Variants in CADPS2 observed in about 807,000 individuals in gnomAD.
The protein encoded by CADPS2 is calcium-dependent secretion activator 2.
In CADPS2, 93 loss-of-function variants were observed where a neutral mutation model predicts 172.5. The observed-to-expected ratio is 0.54, with a 90% CI of 0.46 to 0.64. CADPS2 has a LOEUF of 0.64. Ranked by LOEUF, CADPS2 falls within the 30% of genes least tolerant of loss-of-function variation. The probability of loss-of-function intolerance (pLI) is 0.00; values close to 1 mark genes in which losing one functional copy is unlikely to be tolerated. For missense variants in CADPS2, 1,420 were observed against 1,565.9 expected (o/e 0.91, Z 1.57); for synonymous variants, 546 against 555.2 (o/e 0.98, Z 0.23).
chr7:122,398,738 TTC>T lies in CADPS2; in HGVS notation c.2747-5158_2747-5157del, dbSNP rs375630670. Among the ~76,000 whole-genome samples the T allele has an allele frequency of 5.9e-4, 78 of 131,302 alleles. 1 individual carries two copies. Among genetic ancestry groups the T allele is most frequent in the African/African-American group, 1.3e-3 (44 of 34,886 alleles). The allele number at this position is 131,302 out of a possible 152,430, so 86.1% of individuals were successfully genotyped here. A position where few individuals can be genotyped will look rare whatever the true frequency, so the allele number is the denominator to read the frequency against. On this transcript the variant is annotated intron_variant, in intron 20 of 29. Transcript: ENST00000449022. ...AGCATTATGTAAAAGGAAAACACTCTTCTCTCTCTCTCTCTCTCTCTCTCTCC... is the reference window on the plus strand; with the variant it reads ...AGCATTATGTAAAAGGAAAACACTCTTCTCTCTCTCTCTCTCTCTCTCTCC...
intron 6 of CADPS2, among the ~76,000 whole-genome samples, chr7:122,589,267 A>C (rs1306136811): frequency 6.6e-6 from 1 of 152,006 alleles, no homozygotes; most frequent in Non-Finnish European, 1.5e-5. Flanking sequence ...GAATAATGTA[A>C]CAACCTCTGA....
rs984998891 is a variant in CADPS2, at chr7:122,319,747, T to C, written c.*418A>G. The C allele has an allele frequency of 1.3e-5, 2 of 156,926 alleles. No individual in the cohort carries two copies. Among genetic ancestry groups the C allele is most frequent in the Non-Finnish European group, 2.8e-5 (2 of 71,504 alleles). The allele number at this position is 156,926 out of a possible 1,614,324, so 9.7% of individuals were successfully genotyped here. Reference sequence around the variant, plus strand: ...CATTTTAACAAGGATACGACAGTGTTGGTGCAGTGGTCCGAACTGACTTCT... The same window carrying C: ...CATTTTAACAAGGATACGACAGTGTCGGTGCAGTGGTCCGAACTGACTTCT... On this transcript the variant is annotated 3_prime_UTR_variant, in exon 30 of 30. Coordinates refer to ENST00000449022, the MANE Select transcript of CADPS2 (RefSeq NM_017954.11).
At chr7:122,868,015 G>T (rs1186389826) in intron 1 of CADPS2, among the ~76,000 whole-genome samples, 1 of 152,010 alleles carries the variant, frequency 6.6e-6, no homozygotes, top group Non-Finnish European at 1.5e-5. Context: ...CTGCTAGAAG[G>T]GTGTGAGACT....
chr7:122,827,506 C>T (rs1322275275), intron 1 of CADPS2, among the ~76,000 whole-genome samples: 1 of 151,528 alleles, frequency 6.6e-6, no homozygotes, highest in Non-Finnish European at 1.5e-5. Context: ...GTGGTGCACA[C>T]ATATAATCCC....
chr7:122,477,001 A>G (rs187127585), intron 12 of CADPS2, among the ~76,000 whole-genome samples: 4,722 of 34,670 alleles, frequency 0.14, 139 homozygotes, highest in Non-Finnish European at 0.2. Context: ...GGGAGGGGAG[A>G]GGAGAGGAGA....
chr7:122,465,339 T>C (rs2054994752), intron 14 of CADPS2, among the ~76,000 whole-genome samples: 1 of 151,970 alleles, frequency 6.6e-6, no homozygotes, highest in Non-Finnish European at 1.5e-5. Flanking sequence ...ACTACAACAG[T>C]TAAAAATCTT....
chr7:122,631,526 G>A (rs1418710027), intron 3 of CADPS2, among the ~76,000 whole-genome samples: 2 of 151,882 alleles, frequency 1.3e-5, no homozygotes, highest in African/African-American at 2.4e-5. Flanking sequence ...TGATCTTCCC[G>A]CCTCTGCCTT....
chr7:122,398,708 A>C (rs2045494540), intron 20 of CADPS2, among the ~76,000 whole-genome samples: 1 of 133,898 alleles, frequency 7.5e-6, no homozygotes, highest in Admixed American at 7.9e-5. Flanking sequence ...ACTGCAGTCT[A>C]GAACAGCATT....
At chr7:122,571,415 C>T (rs2067238662) in intron 7 of CADPS2, among the ~76,000 whole-genome samples, 1 of 152,102 alleles carries the variant, frequency 6.6e-6, no homozygotes. Flanking sequence ...TTACTATAAT[C>T]ACCTACAAAG....
At chr7:122,729,212 C>T (rs533316134) in intron 2 of CADPS2, among the ~76,000 whole-genome samples, 29 of 151,736 alleles carry the variant, frequency 1.9e-4, no homozygotes, top group African/African-American at 6.5e-4. Flanking sequence ...CTTTTTTTTA[C>T]GGTCAACAGT....
chr7:122,859,202 T>G (rs142018426), intron 1 of CADPS2, among the ~76,000 whole-genome samples: 148 of 152,354 alleles, frequency 9.7e-4, no homozygotes, highest in African/African-American at 3.4e-3. Context: ...GTTTATATTA[T>G]GTTAAAGAAA....
intron 19 of CADPS2, among the ~76,000 whole-genome samples, chr7:122,411,029 C>T (rs1585751233): frequency 6.6e-6 from 1 of 152,218 alleles, no homozygotes; most frequent in Non-Finnish European, 1.5e-5. Context: ...GCCTAGAGAC[C>T]AAGTTCTTAC....
chr7:122,856,422 TTC>T (rs1176193256), intron 1 of CADPS2, among the ~76,000 whole-genome samples: 1 of 152,162 alleles, frequency 6.6e-6, no homozygotes, highest in Non-Finnish European at 1.5e-5. Flanking sequence ...CTTCCAACCC[TTC>T]TCTTTCTTCT....
chr7:122,884,539 ATACCTAGGGTTAGGT>A (rs533630045), intron 1 of CADPS2, among the ~76,000 whole-genome samples: 1,777 of 152,300 alleles, frequency 0.012, 12 homozygotes, highest in Admixed American at 0.017. Context: ...CTGTGACTGA[ATACCTAGGGTTAGGT>A]TACCTGAAGG....
In CADPS2 at chr7:122,423,016, C is replaced by A. The variant is rs544128740; in HGVS notation, c.2477-6852G>T. ...TAAACCATAAGTCCCTTTAGTCTAC[C>A]TTAGCTAGCCAGGGAATTTCTACTG... On this transcript the variant is annotated intron_variant, in intron 17 of 29. Coordinates refer to ENST00000449022, the MANE Select transcript of CADPS2 (RefSeq NM_017954.11). 5.3e-5 allele frequency among the ~76,000 whole-genome samples: 8 copies of A among 152,128 alleles called. No individual in the cohort carries two copies. The South Asian group carries it at 1.7e-3, about 32-fold the overall frequency.
At chr7:122,645,214 GTATA>G (rs1224444615) in intron 3 of CADPS2, among the ~76,000 whole-genome samples, 3 of 109,844 alleles carry the variant, frequency 2.7e-5, no homozygotes, top group Non-Finnish European at 3.7e-5. Flanking sequence ...ATATACATAA[GTATA>G]TATATACGCT....
intron 27 of CADPS2, among the ~76,000 whole-genome samples, chr7:122,351,837 C>G (rs1050220166): frequency 5.3e-5 from 8 of 152,136 alleles, no homozygotes; most frequent in African/African-American, 1.7e-4. Flanking sequence ...ATGTTTCACA[C>G]TATTTCTTCT....
In CADPS2 at chr7:122,320,230, C is replaced by CA; in HGVS notation, c.3825dup (p.Val1276CysfsTer16). On this transcript the variant is annotated frameshift_variant, in exon 30 of 30. Transcript: ENST00000449022. LOFTEE classifies it high-confidence loss of function. ...CCCTGAAGTCCTCCTCCTTCTGAAA[C>CA]AGAGGCTGTGGCCTCCTCTACTGTT... The CA allele has an allele frequency of 6.2e-6, 10 of 1,613,156 alleles. No individual in the cohort carries two copies. Among genetic ancestry groups the CA allele is most frequent in the Non-Finnish European group, 8.5e-6 (10 of 1,179,486 alleles).
chr7:122,380,257 C>T (rs1163673011), intron 24 of CADPS2, among the ~76,000 whole-genome samples: 3 of 151,980 alleles, frequency 2.0e-5, no homozygotes, highest in African/African-American at 7.2e-5. Flanking sequence ...GTAATTCTTC[C>T]TTTAGAAGCA....
Sources: allele counts gnomAD v4.1 joint callset (sites outside exome capture counted in the v4.1 genomes callset), GRCh38; gene constraint gnomAD v4.1.1; transcripts MANE v1.5; gene names NCBI Gene and HGNC (gene_info 2026-07-23, HGNC 2026-07-21).